The following SLX4IP variants were observed in gnomAD, a reference collection of about 807,000 sequenced individuals.
SLX4IP encodes the protein protein SLX4IP.
In SLX4IP, 34 loss-of-function variants were observed where a neutral mutation model predicts 32.9. The observed-to-expected ratio is 1.03, with a 90% CI of 0.79 to 1.38. SLX4IP has a LOEUF of 1.38. SLX4IP is among the 40% of genes most tolerant of loss of function. SLX4IP has a pLI of 0.00. For missense variants in SLX4IP, 444 were observed against 479.0 expected (o/e 0.93, Z 0.68); for synonymous variants, 172 against 171.7 (o/e 1.00, Z -0.01).
intron 2 of SLX4IP, among the ~76,000 whole-genome samples, chr20:10,508,571 T>A (rs1161619070): frequency 6.6e-6 from 1 of 152,202 alleles, no homozygotes; most frequent in Non-Finnish European, 1.5e-5. Context: ...CAACAACAGT[T>A]GCTATATCCA....
At chr20:10,554,432 T>A (rs1053578588) in intron 2 of SLX4IP, among the ~76,000 whole-genome samples, 11 of 152,184 alleles carry the variant, frequency 7.2e-5, no homozygotes, top group Non-Finnish European at 2.9e-5. Flanking sequence ...ATATACTTCA[T>A]CTCTCTTGAG....
chr20:10,613,367 A>G (rs1729696128), intron 6 of SLX4IP: 3 of 1,325,098 alleles, frequency 2.3e-6, no homozygotes. Flanking sequence ...TTTGCCTTCA[A>G]GTCTTGCCTG....
intron 2 of SLX4IP, among the ~76,000 whole-genome samples, chr20:10,470,860 T>C (rs1048854220): frequency 6.6e-6 from 1 of 152,228 alleles, no homozygotes; most frequent in Non-Finnish European, 1.5e-5. Flanking sequence ...ATTTAGATCA[T>C]CAAGTCTTTG....
intron 2 of SLX4IP, among the ~76,000 whole-genome samples, chr20:10,472,107 C>G (rs555665127): frequency 1.3e-5 from 2 of 152,128 alleles, no homozygotes; most frequent in Non-Finnish European, 2.9e-5. Flanking sequence ...TTGTTGGTGG[C>G]CATCTTTGGA....
chr20:10,598,479 G>C (rs926177916), intron 4 of SLX4IP, among the ~76,000 whole-genome samples, 196 bp from the exon 5 acceptor site: 1 of 152,148 alleles, frequency 6.6e-6, no homozygotes, highest in Non-Finnish European at 1.5e-5. Context: ...GGCCAGGCTG[G>C]TCTCGAACTC....
intron 2 of SLX4IP, among the ~76,000 whole-genome samples, chr20:10,470,957 G>A (rs1368384068): frequency 6.6e-6 from 1 of 152,182 alleles, no homozygotes; most frequent in African/African-American, 2.4e-5. Flanking sequence ...AAAACTGGAT[G>A]ACTTTGGGTG....
intron 4 of SLX4IP, among the ~76,000 whole-genome samples, chr20:10,573,257 C>T (rs1211134238): frequency 6.6e-6 from 1 of 152,172 alleles, no homozygotes; most frequent in Non-Finnish European, 1.5e-5. Flanking sequence ...TTTGAGAGCC[C>T]AGCCCTTCCT....
chr20:10,512,704 A>G lies in SLX4IP; in HGVS notation c.28-43527A>G, dbSNP rs539449180. ...TATATATTTTATATATAGTATATAT[A>G]GTGTATATATATTTTATATATAGTA... is the stretch of plus-strand genomic sequence containing the variant. On this transcript the variant is annotated intron_variant, in intron 2 of 7. Coordinates refer to ENST00000334534, the MANE Select transcript of SLX4IP (RefSeq NM_001009608.3). 2.9e-4 allele frequency among the ~76,000 whole-genome samples: 37 copies of G among 127,136 alleles called. 1 individual carries two copies. In the South Asian group the frequency reaches 8.5e-3, roughly 29 times the overall value. The allele number at this position is 127,136 out of a possible 152,430, so 83.4% of individuals were successfully genotyped here.
At chr20:10,477,051 C>A (rs2065480502) in intron 2 of SLX4IP, among the ~76,000 whole-genome samples, 1 of 152,170 alleles carries the variant, frequency 6.6e-6, no homozygotes, top group Non-Finnish European at 1.5e-5. Context: ...TTTAAGAGGT[C>A]TTATTAGGGC....
intron 4 of SLX4IP, among the ~76,000 whole-genome samples, chr20:10,592,347 C>CG (rs2066718339): frequency 1.9e-5 from 1 of 53,660 alleles, no homozygotes; most frequent in Admixed American, 2.4e-4. Context: ...CTTTCTCCAA[C>CG]CCCCCCCCAT....
chr20:10,441,629 A>G lies in SLX4IP; in HGVS notation c.-30+6176A>G, dbSNP rs188349794. ...TGGAATTATTCTTGGTAGAGTATCA[A>G]TGTTTGACTTACATTTAGTGACAAA... On this transcript the variant is annotated intron_variant, in intron 1 of 7. Coordinates refer to ENST00000334534, the MANE Select transcript of SLX4IP (RefSeq NM_001009608.3). 4.7e-3 allele frequency among the ~76,000 whole-genome samples: 712 copies of G among 152,238 alleles called. 15 individuals carry two copies. In the South Asian group the frequency reaches 0.068, roughly 14 times the overall value.
chr20:10,567,938 T>C (rs2066415363), intron 4 of SLX4IP, among the ~76,000 whole-genome samples: 1 of 152,242 alleles, frequency 6.6e-6, no homozygotes, highest in African/African-American at 2.4e-5. Context: ...CAAATTTTTA[T>C]CTGTTCATAA....
chr20:10,621,418 G>A lies in SLX4IP; in HGVS notation c.506+4G>A, dbSNP rs780274404. The A allele has an allele frequency of 6.2e-7, 1 of 1,613,516 alleles. No homozygotes were observed. Among genetic ancestry groups the A allele is most frequent in the South Asian group, 1.1e-5 (1 of 91,062 alleles). ...GGAGAAATGCTCTGAAAGAAATGTAGGTGCAATGTGTTTCCTTTTTCTCAT... is the reference window on the plus strand; with the variant it reads ...GGAGAAATGCTCTGAAAGAAATGTAAGTGCAATGTGTTTCCTTTTTCTCAT... On this transcript the variant is annotated splice_donor_region_variant and intron_variant, in intron 7 of 7. Transcript: ENST00000334534.
intron 1 of SLX4IP, among the ~76,000 whole-genome samples, chr20:10,445,931 T>A (rs1192192081): frequency 2.1e-5 from 2 of 95,966 alleles, no homozygotes; most frequent in Non-Finnish European, 5.1e-5. Flanking sequence ...TGGCTGAGAT[T>A]GCTTTTTTTT....
At position 10,622,757 on chromosome 20, in the gene SLX4IP, C is replaced by G; in HGVS notation, c.605C>G (p.Ala202Gly). ...TSSDSVIAEI[A>G]RRRNDGQASS... ...AGTGACTCAGTGATTGCAGAGATAG[C>G]AAGGAGGAGGAATGATGGTCAGGCT... The change falls in exon 8 of 8, where the codon GCA (alanine) becomes GGA (glycine). Residue 202 changes from alanine (A) to glycine (G), a missense_variant. By Grantham distance (60) the Ala-to-Gly change is moderately conservative. Coordinates refer to ENST00000334534, the MANE Select transcript of SLX4IP (RefSeq NM_001009608.3). The G allele has an allele frequency of 6.2e-7, 1 of 1,614,060 alleles. No homozygotes were observed.
At chr20:10,508,369 G>A (rs1366204991) in intron 2 of SLX4IP, among the ~76,000 whole-genome samples, 1 of 152,326 alleles carries the variant, frequency 6.6e-6, no homozygotes, top group East Asian at 1.9e-4. Flanking sequence ...GTTTGTCCTT[G>A]CCCCTGTGAT....
chr20:10,517,669 G>C (rs2065861705), intron 2 of SLX4IP, among the ~76,000 whole-genome samples: 1 of 152,134 alleles, frequency 6.6e-6, no homozygotes, highest in Admixed American at 6.6e-5. Context: ...GTTGATGTGA[G>C]GAATAAGTGA....
chr20:10,593,797 A>G (rs1026771244), intron 4 of SLX4IP, among the ~76,000 whole-genome samples: 1 of 152,216 alleles, frequency 6.6e-6, no homozygotes, highest in Non-Finnish European at 1.5e-5. Flanking sequence ...TCTCTTTAAA[A>G]GTTCAGAGTT....
rs117327452 is a variant in SLX4IP, at chr20:10,474,557, C to T, written c.27+16326C>T. On this transcript the variant is annotated intron_variant, in intron 2 of 7. Transcript: ENST00000334534. ...CATTTACATCTCTGTGGAGTTTTTT[C>T]CTTTTTCTTTTTTCCCCCGCTCCCA... 4.6e-3 allele frequency among the ~76,000 whole-genome samples: 703 copies of T among 152,174 alleles called. 4 individuals carry two copies. Among genetic ancestry groups the T allele is most frequent in the Middle Eastern group, 0.01 (3 of 294 alleles).
Sources: gnomAD v4.1 joint callset for allele counts (sites outside exome capture counted in the v4.1 genomes callset) on GRCh38, gnomAD v4.1.1 for gene constraint, MANE v1.5 for transcripts, NCBI Gene and HGNC (gene_info 2026-07-23, HGNC 2026-07-21) for gene names.